Variants in ZNHIT6 observed in about 807,000 individuals in gnomAD.
ZNHIT6 encodes box C/D snoRNA protein 1.
In ZNHIT6, 45 loss-of-function variants were observed where a neutral mutation model predicts 57.2. That is an observed-to-expected ratio of 0.79 (90% CI 0.62 to 1.01). The LOEUF is 1.01. Ranked by LOEUF, ZNHIT6 falls within the 50% of genes least tolerant of loss-of-function variation. The probability of loss-of-function intolerance (pLI) is 0.00; values close to 1 mark genes in which losing one functional copy is unlikely to be tolerated. For missense variants in ZNHIT6, 528 were observed against 567.3 expected, an observed-to-expected ratio of 0.93 and a Z score of 0.70; for synonymous variants, 188 against 190.0, an observed-to-expected ratio of 0.99 and a Z score of 0.09.
At chr1:85,657,777 A>T in intron 9 of ZNHIT6, 70 bp downstream of exon 9, 1 of 1,419,232 alleles carries the variant, frequency 7.0e-7, no homozygotes, top group Non-Finnish European at 9.7e-7. Context: ...TAAAGAAATA[A>T]GGGTGGACAT....
chr1:85,693,174 A>C (rs1662265388), intron 5 of ZNHIT6, among the ~76,000 whole-genome samples: 1 of 152,184 alleles, frequency 6.6e-6, no homozygotes, highest in South Asian at 2.1e-4. Context: ...ATGTGGGGAT[A>C]AGAAGGTCAA....
chr1:85,670,411 C>T (rs574326830), intron 8 of ZNHIT6, among the ~76,000 whole-genome samples: 1 of 152,180 alleles, frequency 6.6e-6, no homozygotes, highest in Non-Finnish European at 1.5e-5. Context: ...GCATCAATAC[C>T]TAGCATACAG....
chr1:85,707,783 C>G lies in ZNHIT6; in HGVS notation c.502G>C (p.Val168Leu). The part of the protein sequence containing the change: ...NLEIKQEEKF[V>L]GQCIKEELMH... ...AATTCCTCTTTTATGCATTGACCAA[C>G]AAACTTCTCCTCCTGTTTTATCTCC... is the stretch of plus-strand genomic sequence containing the variant. The change falls in exon 1 of 10, where the codon GTT (valine) becomes CTT (leucine). Residue 168 changes from valine to leucine, a missense_variant. Coordinates refer to ENST00000370574, the MANE Select transcript of ZNHIT6 (RefSeq NM_017953.4). 1 of 1,614,174 alleles carries G rather than the reference C, an allele frequency of 6.2e-7. No individual in the cohort carries two copies. Among genetic ancestry groups the G allele is most frequent in the Non-Finnish European group, 8.5e-7 (1 of 1,180,016 alleles).
intron 6 of ZNHIT6, among the ~76,000 whole-genome samples, chr1:85,679,205 G>C (rs1462249611): frequency 6.6e-6 from 1 of 152,122 alleles, no homozygotes; most frequent in Non-Finnish European, 1.5e-5. Flanking sequence ...AAAATTGATA[G>C]TAATTTCCTT....
chr1:85,688,455 C>T (rs1016300771), intron 5 of ZNHIT6, among the ~76,000 whole-genome samples: 1 of 152,132 alleles, frequency 6.6e-6, no homozygotes, highest in East Asian at 1.9e-4. Context: ...TCAAGTGTAT[C>T]TCAGTTACTT....
In ZNHIT6 at chr1:85,708,350, A is replaced by G; in HGVS notation, c.-66T>C. ...AATGTGGCTGCTGCACACCAATAGG[A>G]GGAATTACCGGTCGGAATACCTACG... On this transcript the variant is annotated 5_prime_UTR_variant, in exon 1 of 10. Coordinates refer to ENST00000370574, the MANE Select transcript of ZNHIT6 (RefSeq NM_017953.4). 2.0e-6 allele frequency: 3 copies of G among 1,517,706 alleles called. No individual in the cohort carries two copies. Among genetic ancestry groups the G allele is most frequent in the Non-Finnish European group, 2.6e-6 (3 of 1,134,856 alleles). 94.0% of individuals were successfully genotyped at this position (1,517,706 alleles called of 1,614,324 possible). A position where few individuals can be genotyped will look rare whatever the true frequency, so the allele number is the denominator to read the frequency against.
In ZNHIT6 at chr1:85,652,259, A is replaced by G. The variant is rs1172494425; in HGVS notation, c.*1799T>C. On this transcript the variant is annotated 3_prime_UTR_variant, in exon 10 of 10. Transcript: ENST00000370574. ...TATTCAGATCGCAAGTTCTTTTTGTATACGTTATCCCACTTCTCCTAATAA... is the reference window on the plus strand; with the variant it reads ...TATTCAGATCGCAAGTTCTTTTTGTGTACGTTATCCCACTTCTCCTAATAA... 6.6e-6 allele frequency: 1 copy of G among 152,162 alleles called. No homozygotes were observed. The highest frequency in any genetic ancestry group is 2.4e-5 in the African/African-American group (1 of 41,438). The allele number at this position is 152,162 out of a possible 1,614,324, so 9.4% of individuals were successfully genotyped here.
chr1:85,680,883 A>G lies in ZNHIT6; in HGVS notation c.1041T>C (p.His347=). The G allele has an allele frequency of 1.2e-6, 2 of 1,612,840 alleles. No homozygotes were observed. The highest frequency in any genetic ancestry group is 1.7e-6 in the Non-Finnish European group (2 of 1,179,408). Reference sequence around the variant, plus strand: ...GACTTTGAGGAAACTGGAGCTTCACATGCCAACAAAACTGTTGTTTTCTAA... The same window carrying G: ...GACTTTGAGGAAACTGGAGCTTCACGTGCCAACAAAACTGTTGTTTTCTAA... The part of the protein sequence containing the change: ...FDKKKQQFCW[H]VKLQFPQSQA... Residue 347 remains histidine, a synonymous_variant, in exon 6 of 10, where the codon CAT becomes CAC. Transcript: ENST00000370574.
intron 8 of ZNHIT6, among the ~76,000 whole-genome samples, chr1:85,664,484 T>C (rs1661309746): frequency 6.6e-6 from 1 of 152,208 alleles, no homozygotes. Flanking sequence ...GGATTGGGGC[T>C]TGCCATTCTC....
chr1:85,707,122 C>G (rs1341668392), intron 1 of ZNHIT6, among the ~76,000 whole-genome samples: 1 of 152,116 alleles, frequency 6.6e-6, no homozygotes, highest in Non-Finnish European at 1.5e-5. Flanking sequence ...AAGAATCTGA[C>G]TACTCTTATT....
At chr1:85,668,287 T>G (rs1166889776) in intron 8 of ZNHIT6, among the ~76,000 whole-genome samples, 1 of 152,094 alleles carries the variant, frequency 6.6e-6, no homozygotes, top group Non-Finnish European at 1.5e-5. Context: ...GATGATGGCA[T>G]CTTCTATTAA....
chr1:85,702,368 T>C lies in ZNHIT6; in HGVS notation c.916-108A>G, dbSNP rs550036835. 1.3e-5 allele frequency: 9 copies of C among 668,310 alleles called. 1 individual carries two copies. In the South Asian group the frequency reaches 1.8e-4, roughly 13 times the overall value. The allele number at this position is 668,310 out of a possible 1,614,324, so 41.4% of individuals were successfully genotyped here. The stretch of plus-strand genomic sequence containing the variant: ...TAAGATTTACTGAGAACCTAAGTGT[T>C]ACAACAGCTCTAAGCAGTAATCTCA... On this transcript the variant is annotated intron_variant, in intron 4 of 9. Coordinates refer to ENST00000370574, the MANE Select transcript of ZNHIT6 (RefSeq NM_017953.4).
chr1:85,663,938 T>A (rs1661292849), intron 8 of ZNHIT6, among the ~76,000 whole-genome samples: 1 of 118,584 alleles, frequency 8.4e-6, no homozygotes, highest in African/African-American at 2.7e-5. Flanking sequence ...CTGTAGCCAC[T>A]CTGTAGGTGA....
rs1661731460 is a variant in ZNHIT6, at chr1:85,677,300, T to A, written c.1183A>T (p.Ile395Phe). Reference protein sequence around the residue: ...PVIRQRLKAYIRSQTGVQILM... With the variant: ...PVIRQRLKAYFRSQTGVQILM... ...ATCTGAACCCCAGTCTGAGAGCGAA[T>A]GTAGGCTTTCAACCTGAAATAAAAA... The change falls in exon 8 of 10, where the codon ATT becomes TTT. Residue 395 changes from isoleucine (I) to phenylalanine (F), a missense_variant. Ile to Phe is a conservative substitution (Grantham distance 21, BLOSUM62 0). Coordinates refer to ENST00000370574, the MANE Select transcript of ZNHIT6 (RefSeq NM_017953.4). The A allele has an allele frequency of 6.2e-7, 1 of 1,606,696 alleles. No homozygotes were observed. The highest frequency in any genetic ancestry group is 2.2e-5 in the East Asian group (1 of 44,656).
chr1:85,706,224 A>G, intron 3 of ZNHIT6, 25 bp downstream of exon 3: 2 of 1,609,772 alleles, frequency 1.2e-6, no homozygotes, highest in Non-Finnish European at 1.7e-6. Flanking sequence ...GGAAGCCTCA[A>G]TTTGCTATGC....
At chr1:85,656,403 G>A (rs777636579) in intron 9 of ZNHIT6, among the ~76,000 whole-genome samples, 1 of 152,070 alleles carries the variant, frequency 6.6e-6, no homozygotes, top group Non-Finnish European at 1.5e-5. Flanking sequence ...CTCCCAGTAC[G>A]CTAGTAAAGT....
At position 85,692,307 on chromosome 1, in the gene ZNHIT6, T is replaced by G. The variant is rs189478785; in HGVS notation, c.1019+9850A>C. 1.0e-3 allele frequency among the ~76,000 whole-genome samples: 155 copies of G among 152,312 alleles called. 1 individual carries two copies. Among genetic ancestry groups the G allele is most frequent in the African/African-American group, 3.6e-3 (151 of 41,570 alleles). ...ATGATCGAGTGTTTGGCTTTACATT[T>G]CTATGAATGCTGGCTAATTATTGCT... is the stretch of plus-strand genomic sequence containing the variant. On this transcript the variant is annotated intron_variant, in intron 5 of 9. Transcript: ENST00000370574.
chr1:85,690,839 A>G (rs530684178), intron 5 of ZNHIT6, among the ~76,000 whole-genome samples: 1 of 152,298 alleles, frequency 6.6e-6, no homozygotes, highest in Non-Finnish European at 1.5e-5. Flanking sequence ...CAGCCTGGCC[A>G]ACATGGTGAA....
At chr1:85,685,334 A>G (rs1050077287) in intron 5 of ZNHIT6, among the ~76,000 whole-genome samples, 1 of 152,216 alleles carries the variant, frequency 6.6e-6, no homozygotes, top group African/African-American at 2.4e-5. Flanking sequence ...ACATCTACAT[A>G]ATGAATTTTA....
Sources: allele counts gnomAD v4.1 joint callset (sites outside exome capture counted in the v4.1 genomes callset), GRCh38; gene constraint gnomAD v4.1.1; transcripts MANE v1.5; gene names NCBI Gene and HGNC (gene_info 2026-07-23, HGNC 2026-07-21).